TTK: variants seen among roughly 807,000 people sequenced by gnomAD.
TTK encodes TTK protein kinase, also known as dual specificity protein kinase TTK.
In TTK, 59 loss-of-function variants were observed where a neutral mutation model predicts 117.3. The ratio of observed to expected loss-of-function variants is 0.50; its 90% CI spans 0.41 to 0.62. TTK has a LOEUF of 0.62. TTK is among the 20% of genes least tolerant of loss of function. The pLI is 0.00. For missense variants in TTK, 921 were observed against 989.4 expected (o/e 0.93, Z 0.93); for synonymous variants, 302 against 325.0 (o/e 0.93, Z 0.76).
At chr6:80,040,101 C>A (rs992393447) in intron 19 of TTK, 95 bp from the exon 20 acceptor site, 2 of 1,104,316 alleles carry the variant, frequency 1.8e-6, no homozygotes, top group Admixed American at 3.3e-5. Context: ...TAAAAAGTAA[C>A]TTTTATAATA....
intron 18 of TTK, 73 bp downstream of exon 18, chr6:80,038,120 C>A (rs1196064734): frequency 3.8e-6 from 4 of 1,066,560 alleles, no homozygotes; most frequent in South Asian, 1.9e-5. Context: ...AATAAACTTA[C>A]CAGATAACAA....
intron 4 of TTK, 105 bp from the exon 5 acceptor site, chr6:80,010,709 G>A: frequency 8.4e-7 from 1 of 1,186,782 alleles, no homozygotes. Flanking sequence ...TTTTGCTTAA[G>A]TCTTTTTGAT....
At position 80,039,774 on chromosome 6, in the gene TTK, ATAAT is replaced by A. The variant is rs753331095; in HGVS notation, c.2214_2217del (p.Asn739ArgfsTer8). On this transcript the variant is annotated frameshift_variant, in exon 19 of 22. Transcript: ENST00000369798. LOFTEE classifies it high-confidence loss of function. ...TTACGGGAAAACACCATTTCAGCAG[ATAAT>A]TAATCAGATTTCTAAATTACATGCC... 9.4e-6 allele frequency: 15 copies of A among 1,587,342 alleles called. No individual in the cohort carries two copies. The highest frequency in any genetic ancestry group is 1.1e-5 in the Non-Finnish European group (13 of 1,167,816).
chr6:80,018,490 G>A (rs1767370955), intron 10 of TTK, among the ~76,000 whole-genome samples: 2 of 151,798 alleles, frequency 1.3e-5, no homozygotes, highest in African/African-American at 4.8e-5. Context: ...CGGGTGTGGT[G>A]GCAGGTGCCT....
intron 10 of TTK, among the ~76,000 whole-genome samples, chr6:80,020,034 T>G (rs966315842): frequency 6.8e-6 from 1 of 147,402 alleles, no homozygotes; most frequent in Non-Finnish European, 1.5e-5. Flanking sequence ...GCATGCTAGA[T>G]TCAACATATA....
At chr6:80,036,440 A>G (rs1767908110) in intron 16 of TTK, 35 bp from the exon 17 acceptor site, 2 of 1,568,240 alleles carry the variant, frequency 1.3e-6, no homozygotes, top group Admixed American at 1.9e-5. Context: ...AATGTTTTGC[A>G]TTGTTTAATA....
intron 9 of TTK, 23 bp from the exon 10 acceptor site, chr6:80,014,440 A>G: frequency 6.3e-7 from 1 of 1,580,520 alleles, no homozygotes; most frequent in Non-Finnish European, 8.6e-7. Flanking sequence ...ATGGGACTTT[A>G]TTTGATTTTC....
At chr6:80,038,966 A>G (rs928264081) in intron 18 of TTK, among the ~76,000 whole-genome samples, 3 of 152,120 alleles carry the variant, frequency 2.0e-5, no homozygotes, top group Admixed American at 2.0e-4. Flanking sequence ...GCCCATGACA[A>G]TGTACTTTTA....
chr6:80,036,348 T>TA (rs1197806821), intron 16 of TTK, 127 bp from the exon 17 acceptor site: 8 of 1,133,682 alleles, frequency 7.1e-6, no homozygotes, highest in South Asian at 3.5e-5. Flanking sequence ...GCAGAATATA[T>TA]AAAAAAATTA....
intron 21 of TTK, among the ~76,000 whole-genome samples, chr6:80,041,757 T>G: frequency 6.6e-6 from 1 of 151,262 alleles, no homozygotes; most frequent in East Asian, 1.9e-4. Context: ...TATTATCATC[T>G]GAGAATATAA....
At chr6:80,006,843 G>A (rs1352147984) in intron 2 of TTK, among the ~76,000 whole-genome samples, 3 of 152,022 alleles carry the variant, frequency 2.0e-5, no homozygotes, top group Non-Finnish European at 4.4e-5. Context: ...ACAAAGCAAA[G>A]TTATGCATGC....
intron 10 of TTK, among the ~76,000 whole-genome samples, chr6:80,021,490 T>G (rs978493679): frequency 3.9e-5 from 6 of 152,052 alleles, no homozygotes; most frequent in Admixed American, 2.0e-4. Context: ...GCCAAAAACA[T>G]GAGAAGTGAG....
chr6:80,025,571 G>C (rs1190427817), intron 11 of TTK, among the ~76,000 whole-genome samples: 1 of 152,194 alleles, frequency 6.6e-6, no homozygotes, highest in African/African-American at 2.4e-5. Flanking sequence ...ATTGAGATGT[G>C]CTACAGCAGG....
intron 14 of TTK, among the ~76,000 whole-genome samples, chr6:80,032,009 A>C (rs1278771100): frequency 6.6e-6 from 1 of 152,216 alleles, no homozygotes; most frequent in African/African-American, 2.4e-5. Flanking sequence ...TTCTGGAATT[A>C]GATTATTTTC....
intron 14 of TTK, among the ~76,000 whole-genome samples, chr6:80,033,648 CA>C (rs1168348852): frequency 6.6e-6 from 1 of 152,166 alleles, no homozygotes; most frequent in East Asian, 1.9e-4. Flanking sequence ...ACACATTAAA[CA>C]GACATTGTTG....
At chr6:80,013,659 C>T (rs1266724442) in intron 9 of TTK, 3 of 199,230 alleles carry the variant, frequency 1.5e-5, no homozygotes, top group Non-Finnish European at 3.0e-5. Context: ...TTTGGGAATA[C>T]GTGACTGGGG....
At chr6:80,037,007 C>G (rs1203753062) in intron 17 of TTK, among the ~76,000 whole-genome samples, 2 of 151,980 alleles carry the variant, frequency 1.3e-5, no homozygotes, top group African/African-American at 2.4e-5. Context: ...TTTCCTATCA[C>G]TGAAATTGGA....
intron 11 of TTK, among the ~76,000 whole-genome samples, chr6:80,025,337 G>A (rs947138669): frequency 6.6e-6 from 1 of 152,088 alleles, no homozygotes; most frequent in African/African-American, 2.4e-5. Flanking sequence ...AAATTTCTTG[G>A]CCAAGACTGA....
intron 8 of TTK, 90 bp from the exon 9 acceptor site, chr6:80,013,189 T>C: frequency 9.8e-7 from 1 of 1,024,366 alleles, no homozygotes; most frequent in South Asian, 1.5e-5. Context: ...GTATGTATAT[T>C]ATTAAAAATC....
Sources: gnomAD v4.1 joint callset for allele counts (sites outside exome capture counted in the v4.1 genomes callset) on GRCh38, gnomAD v4.1.1 for gene constraint, MANE v1.5 for transcripts, NCBI Gene and HGNC (gene_info 2026-07-23, HGNC 2026-07-21) for gene names.